DNMT3A: variants seen among roughly 807,000 people sequenced by gnomAD.
The protein encoded by DNMT3A is DNA methyltransferase 3 alpha, also known as DNA (cytosine-5)-methyltransferase 3A.
Under a neutral mutation model 117.6 loss-of-function variants are expected in DNMT3A, and 267 were observed. That is an observed-to-expected ratio of 2.27 (90% CI 2.05 to 2.51). The LOEUF (loss-of-function observed/expected upper bound fraction) is 2.51, where lower values mean the gene tolerates loss of function less well. Ranked by LOEUF, DNMT3A falls within the 30% of genes most tolerant of loss-of-function variation. The pLI, the probability that DNMT3A is intolerant of heterozygous loss-of-function variation, is 0.00. For missense variants in DNMT3A, 1,029 were observed against 1,260.2 expected, an observed-to-expected ratio of 0.82 and a Z score of 2.78; for synonymous variants, 432 against 474.8, an observed-to-expected ratio of 0.91 and a Z score of 1.17.
chr2:25,273,068 G>A (rs911158903), intron 6 of DNMT3A, among the ~76,000 whole-genome samples: 2 of 146,138 alleles, frequency 1.4e-5, no homozygotes, highest in African/African-American at 2.6e-5. Flanking sequence ...TCCGCCTCCC[G>A]GGTTCAAGTG....
intron 22 of DNMT3A, 62 bp downstream of exon 22, chr2:25,235,645 C>G: frequency 7.3e-7 from 1 of 1,361,600 alleles, no homozygotes; most frequent in Non-Finnish European, 1.0e-6. Context: ...AGAGGACCCC[C>G]GCAGCAAGCA....
At chr2:25,301,380 TG>T (rs960339507) in intron 2 of DNMT3A, among the ~76,000 whole-genome samples, 7 of 152,204 alleles carry the variant, frequency 4.6e-5, no homozygotes, top group Non-Finnish European at 8.8e-5. Flanking sequence ...CTTGTACAGC[TG>T]TGAACACCCC....
chr2:25,266,702 A>G (rs770370052), intron 6 of DNMT3A, among the ~76,000 whole-genome samples: 7 of 152,248 alleles, frequency 4.6e-5, no homozygotes, highest in Non-Finnish European at 1.0e-4. Context: ...ACATAGGAAA[A>G]GATGTTCAAC....
intron 2 of DNMT3A, among the ~76,000 whole-genome samples, chr2:25,300,714 TATATATATATA>T (rs2033422633): frequency 2.5e-4 from 1 of 4,024 alleles, no homozygotes; most frequent in African/African-American, 6.8e-4. Flanking sequence ...AATAATATAA[TATATATATATA>T]TATATATATA....
chr2:25,341,967 C>G (rs2035481261), upstream of DNMT3A: 1 of 972,986 alleles, frequency 1.0e-6, no homozygotes, highest in Non-Finnish European at 1.2e-6. Context: ...CTCGCTCGCT[C>G]GCTCCCTCCC....
intron 3 of DNMT3A, among the ~76,000 whole-genome samples, chr2:25,288,893 C>CT (rs942982452): frequency 2.0e-5 from 3 of 152,162 alleles, no homozygotes; most frequent in African/African-American, 7.2e-5. Flanking sequence ...CCTCAGCCCC[C>CT]TGTAGTTGGC....
chr2:25,290,957 C>T (rs2032714434), intron 3 of DNMT3A, among the ~76,000 whole-genome samples: 1 of 152,198 alleles, frequency 6.6e-6, no homozygotes, highest in Non-Finnish European at 1.5e-5. Flanking sequence ...GCTTTTAATG[C>T]CTCTGTGAGA....
In DNMT3A at chr2:25,336,370, G is replaced by T. The variant is rs149518746; in HGVS notation, c.-178+5456C>A. Among the ~76,000 whole-genome samples the T allele has an allele frequency of 6.7e-4, 102 of 152,210 alleles. 4 individuals are homozygous for T. In the South Asian group the frequency reaches 0.016, roughly 24 times the overall value. ...CTCAGCCTGATGGAGTGGGCAAGGG[G>T]GGACATGGAGACCTCTGGGAGGCCA... is the stretch of plus-strand genomic sequence containing the variant. On this transcript the variant is annotated intron_variant, in intron 1 of 22. Coordinates refer to ENST00000321117, the MANE Select transcript of DNMT3A (RefSeq NM_022552.5).
Position 25,234,771 on chromosome 2 carries a change from C to T in DNMT3A, c.2598-351G>A, listed in dbSNP as rs543585965. ...CTCCAGGACACACTCTCTAGTTCTC[C>T]TCTCCTGCAGGGTTAGCTCGGCAAC... On this transcript the variant is annotated intron_variant, in intron 22 of 22. Transcript: ENST00000321117. This position sits in a 1 kb window ranked among gnomAD's most constrained non-coding sequence, Gnocchi z 4.5. Among the ~76,000 whole-genome samples the T allele has an allele frequency of 6.6e-6, 1 of 152,282 alleles. No homozygotes were observed. Among genetic ancestry groups the T allele is most frequent in the East Asian group, 1.9e-4 (1 of 5,180 alleles).
chr2:25,248,151 C>T lies in DNMT3A; in HGVS notation c.741G>A (p.Val247=). The T allele has an allele frequency of 6.2e-7, 1 of 1,613,894 alleles. No homozygotes were observed. The highest frequency in any genetic ancestry group is 1.3e-5 in the African/African-American group (1 of 75,038). Residue 247 remains valine, a synonymous_variant, in exon 7 of 23, where the codon GTG becomes GTA. Coordinates refer to ENST00000321117, the MANE Select transcript of DNMT3A (RefSeq NM_022552.5). ...GGGATGCGGGGTCAGTGGGCTGCTG[C>T]ACAGCAGGAGGGCTGGCCTCCTCCA... ...QKVEEASPPA[V]QQPTDPASPT... is the part of the protein sequence containing the mutation.
At chr2:25,291,483 A>C (rs1475747963) in intron 3 of DNMT3A, among the ~76,000 whole-genome samples, 6 of 152,206 alleles carry the variant, frequency 3.9e-5, no homozygotes, top group Non-Finnish European at 5.9e-5. Flanking sequence ...CCTGGGGTGG[A>C]TGGAGCAAGC....
rs138047328 is a variant in DNMT3A, at chr2:25,336,342, C to T, written c.-178+5484G>A. Reference sequence around the variant, plus strand: ...TGCAGGAATGTTCTGGATGCTGGGGCGCCTCAGCCTGATGGAGTGGGCAAG... The same window carrying T: ...TGCAGGAATGTTCTGGATGCTGGGGTGCCTCAGCCTGATGGAGTGGGCAAG... On this transcript the variant is annotated intron_variant, in intron 1 of 22. Coordinates refer to ENST00000321117, the MANE Select transcript of DNMT3A (RefSeq NM_022552.5). Among the ~76,000 whole-genome samples, 165 of 152,242 alleles carry T rather than the reference C, an allele frequency of 1.1e-3. 1 individual carries two copies. The highest frequency in any genetic ancestry group is 3.5e-3 in the African/African-American group (146 of 41,550).
rs1053842473 is a variant in DNMT3A, at chr2:25,237,608, T to C, written c.2409-603A>G. ...CATGGTGAAACCCGGTCTCTACTAA[T>C]ATAAAAATTAGCCAGACGTGGTGGC... On this transcript the variant is annotated intron_variant, in intron 20 of 22. Coordinates refer to ENST00000321117, the MANE Select transcript of DNMT3A (RefSeq NM_022552.5). The surrounding 1 kb of genome is among the most constrained non-coding windows in gnomAD (Gnocchi z 5.4). 1.1e-4 allele frequency among the ~76,000 whole-genome samples: 16 copies of C among 151,914 alleles called. No homozygotes were observed. The highest frequency in any genetic ancestry group is 3.4e-4 in the African/African-American group (14 of 41,350).
In DNMT3A at chr2:25,247,972, G is replaced by T; in HGVS notation, c.855+65C>A. 1 of 1,603,590 alleles carries T rather than the reference G, an allele frequency of 6.2e-7. No individual in the cohort carries two copies. The highest frequency in any genetic ancestry group is 1.1e-5 in the South Asian group (1 of 90,492). On this transcript the variant is annotated intron_variant, in intron 7 of 22. Coordinates refer to ENST00000321117, the MANE Select transcript of DNMT3A (RefSeq NM_022552.5). The surrounding 1 kb of genome is among the most constrained non-coding windows in gnomAD (Gnocchi z 5.6). ...GGAGATGGAGAGAGGAGAGCAGGAC[G>T]GGAGGAGCTGGCAGTGGAAGGCCCC...
chr2:25,291,349 C>T (rs902439144), intron 3 of DNMT3A, among the ~76,000 whole-genome samples: 5 of 152,332 alleles, frequency 3.3e-5, no homozygotes, highest in Middle Eastern at 3.4e-3. Flanking sequence ...TTTCCCCTGG[C>T]GGCCCTCACC....
chr2:25,307,657 G>C (rs548562054), intron 2 of DNMT3A, among the ~76,000 whole-genome samples: 1 of 152,102 alleles, frequency 6.6e-6, no homozygotes, highest in East Asian at 1.9e-4. Flanking sequence ...GTAGAGACGG[G>C]GTTTTGCCAT....
rs1471945998 is a variant in DNMT3A, at chr2:25,286,843, GC to G, written c.178-4133del. The stretch of plus-strand genomic sequence containing the variant: ...ACCCCAGCCAGGCCTGGCCTCTTCT[GC>G]CCCCAACTCCATGTCCTCCTCCCAG... On this transcript the variant is annotated intron_variant, in intron 3 of 22. Transcript: ENST00000321117. This position sits in a 1 kb window ranked among gnomAD's most constrained non-coding sequence, Gnocchi z 4.3. 6.6e-6 allele frequency among the ~76,000 whole-genome samples: 1 copy of G among 152,110 alleles called. No homozygotes were observed. Among genetic ancestry groups the G allele is most frequent in the Admixed American group, 6.5e-5 (1 of 15,274 alleles).
At chr2:25,255,319 A>G (rs1456995255) in intron 6 of DNMT3A, among the ~76,000 whole-genome samples, 2 of 152,246 alleles carry the variant, frequency 1.3e-5, no homozygotes, top group African/African-American at 4.8e-5. Context: ...CCTCCCTGGT[A>G]GTTTACCAGA....
intron 3 of DNMT3A, among the ~76,000 whole-genome samples, chr2:25,289,171 C>T (rs553781822): frequency 1.1e-4 from 16 of 151,212 alleles, no homozygotes; most frequent in East Asian, 3.9e-4. Flanking sequence ...GGCGCGATCT[C>T]GGCTCACTGC....
Sources: allele counts gnomAD v4.1 joint callset (sites outside exome capture counted in the v4.1 genomes callset), GRCh38; gene constraint gnomAD v4.1.1; non-coding constraint Gnocchi (gnomAD v3.1); transcripts MANE v1.5; gene names NCBI Gene and HGNC (gene_info 2026-07-23, HGNC 2026-07-21).